AAMDC: variants seen among roughly 807,000 people sequenced by gnomAD.
AAMDC encodes the protein adipogenesis associated Mth938 domain containing.
A neutral mutation model predicts 15.5 loss-of-function variants in AAMDC; 16 were observed. That is an observed-to-expected ratio of 1.03 (90% CI 0.70 to 1.57). AAMDC has a LOEUF of 1.57. AAMDC is among the 40% of genes most tolerant of loss of function. The pLI is 0.00. For synonymous variants in AAMDC, 51 were observed against 51.6 expected (o/e 0.99, Z 0.05); for missense variants, 141 against 144.9 (o/e 0.97, Z 0.14).
chr11:77,833,080 A>G (rs1344602782), intron 1 of AAMDC, among the ~76,000 whole-genome samples: 1 of 139,370 alleles, frequency 7.2e-6, no homozygotes, highest in African/African-American at 2.7e-5. Flanking sequence ...GGCAGATCTC[A>G]TATCAGTGCA....
At chr11:77,843,375 G>A (rs1950014181) in intron 2 of AAMDC, among the ~76,000 whole-genome samples, 1 of 152,138 alleles carries the variant, frequency 6.6e-6, no homozygotes, top group Non-Finnish European at 1.5e-5. Context: ...CCACTCACCT[G>A]GGATGTAGCC....
At chr11:77,883,687 G>T in intron 5 of AAMDC, 1 of 802,364 alleles carries the variant, frequency 1.2e-6, no homozygotes, top group Non-Finnish European at 1.9e-6. Flanking sequence ...CCCACTTAAT[G>T]AGTGCTTATA....
chr11:77,847,128 A>C (rs1196770794), intron 2 of AAMDC, among the ~76,000 whole-genome samples: 1 of 152,150 alleles, frequency 6.6e-6, no homozygotes, highest in East Asian at 1.9e-4. Context: ...TCATTTGCCC[A>C]CGGGTGGAAT....
intron 2 of AAMDC, among the ~76,000 whole-genome samples, chr11:77,849,639 T>C (rs952772036): frequency 2.6e-5 from 4 of 152,168 alleles, no homozygotes; most frequent in African/African-American, 7.2e-5. Flanking sequence ...ATCTGTTTTT[T>C]TGTGTGTTTT....
chr11:77,830,574 C>G (rs1949375787), intron 1 of AAMDC, among the ~76,000 whole-genome samples: 2 of 149,956 alleles, frequency 1.3e-5, no homozygotes, highest in Non-Finnish European at 2.9e-5. Flanking sequence ...AGGCAAGGTG[C>G]CCCCGACCCC....
chr11:77,878,852 G>A, intron 5 of AAMDC: 1 of 865,950 alleles, frequency 1.2e-6, no homozygotes, highest in Non-Finnish European at 2.0e-6. Flanking sequence ...TACTCCTTAA[G>A]CCTACACATC....
chr11:77,880,034 C>A (rs898781675), intron 5 of AAMDC, among the ~76,000 whole-genome samples: 4 of 152,154 alleles, frequency 2.6e-5, no homozygotes, highest in African/African-American at 7.2e-5. Context: ...GTTACTCATT[C>A]TATTAACCAC....
chr11:77,891,003 C>A (rs1952238217), intron 5 of AAMDC, among the ~76,000 whole-genome samples: 1 of 152,178 alleles, frequency 6.6e-6, no homozygotes, highest in Non-Finnish European at 1.5e-5. Context: ...ATCTTAACGT[C>A]ACATTACAAG....
At chr11:77,825,505 A>C (rs1418932853) in intron 1 of AAMDC, among the ~76,000 whole-genome samples, 1 of 152,194 alleles carries the variant, frequency 6.6e-6, no homozygotes, top group Non-Finnish European at 1.5e-5. Flanking sequence ...AAGTGTCAAC[A>C]GAAATAGGAA....
At chr11:77,831,531 C>A (rs924666285) in intron 1 of AAMDC, among the ~76,000 whole-genome samples, 3 of 152,090 alleles carry the variant, frequency 2.0e-5, no homozygotes, top group Admixed American at 1.3e-4. Flanking sequence ...TATCTGCAAG[C>A]ACATGATGTG....
chr11:77,863,302 G>A (rs761751305), intron 2 of AAMDC, among the ~76,000 whole-genome samples: 6 of 152,188 alleles, frequency 3.9e-5, no homozygotes, highest in East Asian at 1.9e-4. Flanking sequence ...ACACCCTGCC[G>A]GATCCGGAGG....
chr11:77,841,267 C>T (rs1443466022), intron 1 of AAMDC: 3 of 702,062 alleles, frequency 4.3e-6, no homozygotes, highest in Admixed American at 4.0e-5. Context: ...TAAATTTAAA[C>T]ATGAGTTTGG....
At chr11:77,836,745 C>T (rs190248103) in intron 1 of AAMDC, among the ~76,000 whole-genome samples, 2 of 152,308 alleles carry the variant, frequency 1.3e-5, no homozygotes, top group East Asian at 3.9e-4. Flanking sequence ...GCGGGTGGAT[C>T]GCCTGAGGCT....
intron 2 of AAMDC, among the ~76,000 whole-genome samples, chr11:77,853,650 A>G (rs1950490571): frequency 6.6e-6 from 1 of 152,084 alleles, no homozygotes; most frequent in Non-Finnish European, 1.5e-5. Context: ...TCACATTTCA[A>G]ATTACAGCCA....
intron 1 of AAMDC, among the ~76,000 whole-genome samples, chr11:77,838,419 T>C (rs1441450052): frequency 6.6e-6 from 1 of 152,172 alleles, no homozygotes; most frequent in African/African-American, 2.4e-5. Flanking sequence ...GCAAAACTGA[T>C]GTTTCCTTGA....
chr11:77,883,797 A>G (rs772122750), intron 5 of AAMDC: 24 of 1,608,112 alleles, frequency 1.5e-5, no homozygotes, highest in East Asian at 2.2e-5. Flanking sequence ...CTCCAGCAGC[A>G]TATTTCCCTT....
chr11:77,840,865 GTTC>G (rs1435959001), intron 1 of AAMDC, among the ~76,000 whole-genome samples: 3 of 152,194 alleles, frequency 2.0e-5, no homozygotes, highest in African/African-American at 7.2e-5. Flanking sequence ...CCTGAAAGTT[GTTC>G]TTCTGTTTAT....
chr11:77,874,527 A>T (rs1475008713), downstream of AAMDC, among the ~76,000 whole-genome samples: 1 of 152,200 alleles, frequency 6.6e-6, no homozygotes, highest in Non-Finnish European at 1.5e-5. Flanking sequence ...CAGTGACATT[A>T]TTAAACTTTT....
intron 1 of AAMDC, among the ~76,000 whole-genome samples, chr11:77,826,719 C>T (rs1355869517): frequency 6.6e-6 from 1 of 152,158 alleles, no homozygotes. Flanking sequence ...CAGATAATCT[C>T]AATGAAATGA....
Sources: allele counts gnomAD v4.1 joint callset (sites outside exome capture counted in the v4.1 genomes callset), GRCh38; gene constraint gnomAD v4.1.1; transcripts MANE v1.5; gene names NCBI Gene and HGNC (gene_info 2026-07-23, HGNC 2026-07-21).